Variants in MPP7 observed in about 807,000 individuals in gnomAD.
MPP7 encodes the protein MAGUK p55 subfamily member 7.
A neutral mutation model predicts 76.5 loss-of-function variants in MPP7; 60 were observed. That is an observed-to-expected ratio of 0.78 (90% CI 0.64 to 0.97). The LOEUF is 0.97. MPP7 is among the 50% of genes least tolerant of loss of function. The pLI, the probability that MPP7 is intolerant of heterozygous loss-of-function variation, is 0.00. For missense variants in MPP7, 641 were observed against 694.0 expected (o/e 0.92, Z 0.86); for synonymous variants, 237 against 244.5 (o/e 0.97, Z 0.29).
At chr10:28,285,079 T>A (rs1312639456) in intron 1 of MPP7, among the ~76,000 whole-genome samples, 1 of 152,242 alleles carries the variant, frequency 6.6e-6, no homozygotes, top group Non-Finnish European at 1.5e-5. Flanking sequence ...CAATTTAATT[T>A]ACACAACCTG....
chr10:28,286,074 G>A (rs1174370529), intron 1 of MPP7, among the ~76,000 whole-genome samples: 1 of 152,170 alleles, frequency 6.6e-6, no homozygotes, highest in Non-Finnish European at 1.5e-5. Flanking sequence ...GCCCGGGATG[G>A]TGGCTCATGC....
chr10:28,139,903 A>G (rs1366699157), intron 5 of MPP7, among the ~76,000 whole-genome samples: 2 of 152,212 alleles, frequency 1.3e-5, no homozygotes, highest in Non-Finnish European at 1.5e-5. Flanking sequence ...GCAAGCAAAC[A>G]TTTTAAACAA....
At chr10:28,164,084 G>A (rs1327353151) in intron 3 of MPP7, among the ~76,000 whole-genome samples, 2 of 152,118 alleles carry the variant, frequency 1.3e-5, no homozygotes, top group African/African-American at 4.8e-5. Context: ...GGCAGATGAT[G>A]ATATAGGCCT....
chr10:28,118,024 AC>A (rs1564639107), intron 11 of MPP7: 5 of 914,988 alleles, frequency 5.5e-6, no homozygotes, highest in Non-Finnish European at 6.5e-6. Flanking sequence ...ACAAAAAAAA[AC>A]AAAATTAGTC....
intron 2 of MPP7, among the ~76,000 whole-genome samples, chr10:28,215,791 T>C (rs1236830528): frequency 1.3e-5 from 2 of 152,196 alleles, no homozygotes; most frequent in African/African-American, 4.8e-5. Context: ...AAGGGTTAAA[T>C]GAGTTATTTG....
chr10:28,129,022 G>A (rs974974987), intron 6 of MPP7, among the ~76,000 whole-genome samples: 1 of 152,136 alleles, frequency 6.6e-6, no homozygotes, highest in Non-Finnish European at 1.5e-5. Context: ...CAGACTTGAA[G>A]AATAATCTCT....
chr10:28,314,468 CT>C, intron 2 of MPP7, among the ~76,000 whole-genome samples: 1 of 152,284 alleles, frequency 6.6e-6, no homozygotes. Flanking sequence ...CTGGAGTGGG[CT>C]TGATGAAAGA....
At chr10:28,077,734 ATACACT>A (rs1374282792) in intron 12 of MPP7, among the ~76,000 whole-genome samples, 1 of 152,246 alleles carries the variant, frequency 6.6e-6, no homozygotes, top group Non-Finnish European at 1.5e-5. Context: ...AATTGGTGAA[ATACACT>A]TACACGGGCA....
rs372510252 is a variant in MPP7, at chr10:28,219,939, T to C, written c.38-17668A>G. Among the ~76,000 whole-genome samples, 4 of 152,154 alleles carry C rather than the reference T, an allele frequency of 2.6e-5. No homozygotes were observed. In the East Asian group the frequency reaches 5.8e-4, roughly 22 times the overall value. On this transcript the variant is annotated intron_variant, in intron 2 of 16. Coordinates refer to ENST00000683449, the MANE Select transcript of MPP7 (RefSeq NM_001318170.2). ...GTTTTATTTCCAAAACTACCTATAG[T>C]ACACTAAAATACTAACACAACCCTG...
At chr10:28,233,247 G>T (rs745521253) in intron 2 of MPP7, among the ~76,000 whole-genome samples, 1 of 152,170 alleles carries the variant, frequency 6.6e-6, no homozygotes, top group Non-Finnish European at 1.5e-5. Flanking sequence ...ACAATGATCC[G>T]TTTGCTAAGG....
At chr10:28,217,073 T>C (rs985146261) in intron 2 of MPP7, among the ~76,000 whole-genome samples, 5 of 152,202 alleles carry the variant, frequency 3.3e-5, no homozygotes, top group African/African-American at 1.2e-4. Flanking sequence ...AGAGAACTCA[T>C]GCTTGCAGGT....
chr10:28,151,173 G>A (rs979787038), intron 3 of MPP7, among the ~76,000 whole-genome samples: 9 of 152,032 alleles, frequency 5.9e-5, no homozygotes, highest in African/African-American at 2.2e-4. Flanking sequence ...CTATTGCTAA[G>A]AGAGGATTCT....
At chr10:28,139,419 G>A (rs1336498567) in intron 5 of MPP7, among the ~76,000 whole-genome samples, 4 of 152,146 alleles carry the variant, frequency 2.6e-5, no homozygotes, top group Non-Finnish European at 5.9e-5. Context: ...GTGGTATACT[G>A]AGCTGATCAT....
chr10:28,319,804 C>T (rs1834349841), intron 2 of MPP7, among the ~76,000 whole-genome samples: 1 of 151,902 alleles, frequency 6.6e-6, no homozygotes, highest in South Asian at 2.1e-4. Flanking sequence ...GGAGAAACCC[C>T]ATCTATACTA....
intron 1 of MPP7, among the ~76,000 whole-genome samples, chr10:28,240,375 CT>C (rs1379633098): frequency 6.6e-6 from 1 of 152,020 alleles, no homozygotes; most frequent in African/African-American, 2.4e-5. Context: ...CTATTAAAGC[CT>C]TCTAAATTTG....
intron 3 of MPP7, among the ~76,000 whole-genome samples, chr10:28,161,947 G>A (rs908179133): frequency 1.1e-4 from 17 of 152,078 alleles, no homozygotes; most frequent in African/African-American, 4.1e-4. Context: ...AACGGCAGAT[G>A]GTTAATACAT....
intron 3 of MPP7, among the ~76,000 whole-genome samples, chr10:28,181,281 A>G (rs1837049519): frequency 6.6e-6 from 1 of 152,238 alleles, no homozygotes. Context: ...TTCCTTTGAT[A>G]GTCTATTATT....
intron 3 of MPP7, among the ~76,000 whole-genome samples, chr10:28,187,863 A>T (rs1220809577): frequency 6.6e-6 from 1 of 152,180 alleles, no homozygotes; most frequent in Admixed American, 6.6e-5. Flanking sequence ...CCTTGACTGG[A>T]TCGATTATCC....
chr10:28,325,686 GT>G lies in MPP7; in HGVS notation c.-132+4242del, dbSNP rs1314493712. ...TTTTTGTATTTTTAGTAGAGAGGGGGTTTTCCCATGTTGGCCACACTGGTCT... is the reference window on the plus strand; with the variant it reads ...TTTTTGTATTTTTAGTAGAGAGGGGGTTTCCCATGTTGGCCACACTGGTCT... On this transcript the variant is annotated intron_variant, in intron 2 of 11. Coordinates refer to the MPP7 transcript ENST00000441595. 2.0e-5 allele frequency among the ~76,000 whole-genome samples: 3 copies of G among 151,606 alleles called. No homozygotes were observed. In the East Asian group the frequency reaches 5.9e-4, roughly 30 times the overall value.
Sources: gnomAD v4.1 joint callset for allele counts (sites outside exome capture counted in the v4.1 genomes callset) on GRCh38, gnomAD v4.1.1 for gene constraint, MANE v1.5 for transcripts, NCBI Gene and HGNC (gene_info 2026-07-23, HGNC 2026-07-21) for gene names.